Variants in NR6A1 observed in about 807,000 individuals in gnomAD.
NR6A1 encodes the protein retinoic acid receptor-related testis-associated receptor.
In NR6A1, 7 loss-of-function variants were observed where a neutral mutation model predicts 59.1. That is an observed-to-expected ratio of 0.12 (90% CI 0.07 to 0.22). NR6A1 has a LOEUF of 0.22. NR6A1 is among the 10% of genes least tolerant of loss of function. The pLI is 1.00. For synonymous variants in NR6A1, 243 were observed against 236.1 expected, an observed-to-expected ratio of 1.03 and a Z score of -0.27; for missense variants, 468 against 611.6, an observed-to-expected ratio of 0.77 and a Z score of 2.48.
At chr9:124,679,467 C>T (rs1296835094) in intron 2 of NR6A1, among the ~76,000 whole-genome samples, 2 of 152,172 alleles carry the variant, frequency 1.3e-5, no homozygotes, top group Non-Finnish European at 2.9e-5. Flanking sequence ...GCACCTGCCC[C>T]CTGATTATCT....
Position 124,519,863 on chromosome 9 carries a change from C to G in NR6A1, c.*2842G>C, listed in dbSNP as rs887562420. ...CTTGCAGTGAGCCAAGATCGCACCA[C>G]TGCACTCCAGCCTGAGCGACAGAGC... is the stretch of plus-strand genomic sequence containing the variant. On this transcript the variant is annotated 3_prime_UTR_variant, in exon 10 of 10. Transcript: ENST00000487099. 3.0e-5 allele frequency: 4 copies of G among 133,982 alleles called. No homozygotes were observed. Among genetic ancestry groups the G allele is most frequent in the Admixed American group, 2.5e-4 (3 of 11,938 alleles). 8.3% of individuals were successfully genotyped at this position (133,982 alleles called of 1,614,324 possible).
chr9:124,575,819 CAT>C (rs1564186467), intron 2 of NR6A1, among the ~76,000 whole-genome samples: 1 of 152,110 alleles, frequency 6.6e-6, no homozygotes. Flanking sequence ...AATGCTCAAA[CAT>C]GTGAGCTATT....
At chr9:124,715,717 AAAC>A (rs1326402960) in intron 2 of NR6A1, among the ~76,000 whole-genome samples, 1 of 152,208 alleles carries the variant, frequency 6.6e-6, no homozygotes, top group Admixed American at 6.5e-5. Flanking sequence ...GGAGAAAAAA[AAAC>A]ACTACAATAG....
chr9:124,558,406 T>C (rs1456578704), intron 2 of NR6A1, among the ~76,000 whole-genome samples: 4 of 152,046 alleles, frequency 2.6e-5, no homozygotes, highest in African/African-American at 9.7e-5. Flanking sequence ...GTCTATGCCA[T>C]GGATGAGGAA....
intron 2 of NR6A1, among the ~76,000 whole-genome samples, chr9:124,665,596 A>G (rs1296036061): frequency 6.6e-6 from 1 of 152,226 alleles, no homozygotes; most frequent in African/African-American, 2.4e-5. Context: ...AGATCATGAT[A>G]CACAGGAGCA....
At chr9:124,666,989 T>C (rs576031433) in intron 2 of NR6A1, among the ~76,000 whole-genome samples, 15 of 152,152 alleles carry the variant, frequency 9.9e-5, no homozygotes, top group Non-Finnish European at 1.9e-4. Flanking sequence ...ATGCTTCGTA[T>C]GTAGTAGCTA....
intron 2 of NR6A1, among the ~76,000 whole-genome samples, chr9:124,703,207 ATTTT>A (rs80014383): frequency 1.3e-3 from 134 of 104,554 alleles, no homozygotes; most frequent in African/African-American, 4.9e-3. Context: ...ACACGGCCAC[ATTTT>A]TTTTTTTTTT....
At chr9:124,648,514 G>A (rs1837002353) in intron 2 of NR6A1, among the ~76,000 whole-genome samples, 1 of 152,132 alleles carries the variant, frequency 6.6e-6, no homozygotes, top group Admixed American at 6.5e-5. Flanking sequence ...CATACTGGAT[G>A]GGGGTAAACT....
At chr9:124,760,949 G>A (rs1453501760) in intron 1 of NR6A1, among the ~76,000 whole-genome samples, 1 of 152,208 alleles carries the variant, frequency 6.6e-6, no homozygotes, top group Non-Finnish European at 1.5e-5. Context: ...GCATGTCAAT[G>A]GGGGGCTTCC....
chr9:124,759,119 C>G (rs932874373), intron 1 of NR6A1, among the ~76,000 whole-genome samples: 1 of 152,186 alleles, frequency 6.6e-6, no homozygotes, highest in Non-Finnish European at 1.5e-5. Context: ...CCCACACTGC[C>G]TATCCTCTTT....
At chr9:124,635,414 T>G (rs1239049461) in intron 2 of NR6A1, among the ~76,000 whole-genome samples, 5 of 152,204 alleles carry the variant, frequency 3.3e-5, no homozygotes, top group Admixed American at 6.5e-5. Flanking sequence ...TCTCACGAGA[T>G]CTGATGATTC....
At chr9:124,760,626 G>A (rs1384640413) in intron 1 of NR6A1, among the ~76,000 whole-genome samples, 2 of 152,202 alleles carry the variant, frequency 1.3e-5, no homozygotes, top group Non-Finnish European at 2.9e-5. Flanking sequence ...TACTAGCTGC[G>A]AAATCTGGAG....
intron 4 of NR6A1, among the ~76,000 whole-genome samples, chr9:124,540,523 A>C (rs994044739): frequency 2.0e-5 from 3 of 152,162 alleles, no homozygotes; most frequent in Non-Finnish European, 1.5e-5. Context: ...TTTAAGATTC[A>C]ATTCAAATGT....
chr9:124,538,371 C>A, intron 5 of NR6A1, 52 bp from the exon 6 acceptor site: 1 of 1,444,400 alleles, frequency 6.9e-7, no homozygotes, highest in Non-Finnish European at 9.6e-7. Context: ...CTAGTAATTA[C>A]TCAAAGGAAG....
intron 2 of NR6A1, among the ~76,000 whole-genome samples, chr9:124,614,268 T>C (rs994755816): frequency 6.6e-6 from 1 of 151,984 alleles, no homozygotes; most frequent in Non-Finnish European, 1.5e-5. Flanking sequence ...AGTGCACATA[T>C]ACGAGAAAAA....
Position 124,640,101 on chromosome 9 carries a change from G to A in NR6A1, c.143-85531C>T, listed in dbSNP as rs76895858. The stretch of plus-strand genomic sequence containing the variant: ...TATGGAAGCGCTGAAGAACATCCAT[G>A]GCGTCCTAGGGTCCTGCAGAACACA... On this transcript the variant is annotated intron_variant, in intron 2 of 9. Transcript: ENST00000487099. Among the ~76,000 whole-genome samples, 1,274 of 152,268 alleles carry A rather than the reference G, an allele frequency of 8.4e-3. 29 individuals carry two copies. The highest frequency in any genetic ancestry group is 0.029 in the African/African-American group (1,196 of 41,542).
chr9:124,637,461 C>T (rs561606527), intron 2 of NR6A1, among the ~76,000 whole-genome samples: 1 of 152,310 alleles, frequency 6.6e-6, no homozygotes, highest in South Asian at 2.1e-4. Flanking sequence ...ACATACTTTA[C>T]TGCACTTAAC....
intron 2 of NR6A1, among the ~76,000 whole-genome samples, chr9:124,642,728 G>A (rs974581682): frequency 6.6e-6 from 1 of 152,100 alleles, no homozygotes. Context: ...GGGAGAAGGT[G>A]GTCATTTGGT....
intron 1 of NR6A1, chr9:124,770,293 G>A (rs550343553): frequency 8.5e-4 from 130 of 152,938 alleles, no homozygotes; most frequent in African/African-American, 2.7e-3. Context: ...AGAGCGCGCG[G>A]GGCGTTGAGG....
Sources: gnomAD v4.1 joint callset for allele counts (sites outside exome capture counted in the v4.1 genomes callset) on GRCh38, gnomAD v4.1.1 for gene constraint, MANE v1.5 for transcripts, NCBI Gene and HGNC (gene_info 2026-07-23, HGNC 2026-07-21) for gene names.